KLF15: variants seen among roughly 807,000 people sequenced by gnomAD.
KLF15 encodes KLF transcription factor 15, also known as Krueppel-like factor 15.
Under a neutral mutation model 24.6 loss-of-function variants are expected in KLF15, and 4 were observed. The ratio of observed to expected loss-of-function variants is 0.16; its 90% CI spans 0.08 to 0.37. KLF15 has a LOEUF of 0.37. Among genes scored for constraint, KLF15 ranks in the 10% least tolerant of loss-of-function variants. KLF15 has a pLI of 1.00. For missense variants in KLF15, 496 were observed against 560.6 expected, an observed-to-expected ratio of 0.88 and a Z score of 1.16; for synonymous variants, 246 against 236.3, an observed-to-expected ratio of 1.04 and a Z score of -0.37.
At chr3:126,310,383 C>T in the KLF15 span, among the ~76,000 whole-genome samples, 418 of 152,298 alleles carry the variant, frequency 2.7e-3, 4 homozygotes, top group African/African-American at 9.7e-3. Context: ...CTCCTGCTAC[C>T]GAATGAATGT....
chr3:126,292,068 C>T, the KLF15 span, among the ~76,000 whole-genome samples: 6 of 152,178 alleles, frequency 3.9e-5, no homozygotes, highest in African/African-American at 1.2e-4. Flanking sequence ...TCATTCCAGT[C>T]CCCAAGGCAA....
chr3:126,338,862 A>G (rs371998007), downstream of KLF15, among the ~76,000 whole-genome samples: 29 of 152,250 alleles, frequency 1.9e-4, no homozygotes, highest in East Asian at 1.7e-3. Flanking sequence ...CCTGCTACAG[A>G]CACTGCTCTT....
the KLF15 span, among the ~76,000 whole-genome samples, chr3:126,328,196 C>T: frequency 1.3e-5 from 2 of 152,028 alleles, no homozygotes; most frequent in Non-Finnish European, 2.9e-5. Context: ...TTTTCCATTC[C>T]TGAGTTACTT....
At chr3:126,314,952 G>A in the KLF15 span, among the ~76,000 whole-genome samples, 2 of 152,198 alleles carry the variant, frequency 1.3e-5, no homozygotes, top group South Asian at 4.1e-4. Context: ...ACTAGGGGCC[G>A]CAGATGTCTC....
chr3:126,343,871 C>A lies in KLF15; in HGVS notation c.1107G>T (p.Ser369=). ...GWRFSRSDEL[S]RHRRSHSGVK... is the part of the protein sequence containing the mutation. ...CACCTGAGTGCGAGCGCCTGTGCCG[C>A]GACAGCTCGTCAGAGCGCGAGAACC... The change falls in exon 3 of 3, where the codon TCG becomes TCT. Residue 369 remains serine (S), a synonymous_variant. Transcript: ENST00000296233. 1.3e-6 allele frequency: 2 copies of A among 1,597,446 alleles called. No homozygotes were observed. The highest frequency in any genetic ancestry group is 1.7e-6 in the Non-Finnish European group (2 of 1,173,326).
intron 2 of KLF15, among the ~76,000 whole-genome samples, chr3:126,349,099 A>G (rs945569311): frequency 3.3e-5 from 5 of 152,072 alleles, no homozygotes; most frequent in African/African-American, 7.2e-5. Context: ...GCTCCCTCTC[A>G]GTTGAAGACT....
At chr3:126,290,506 A>ACCTTCCTTCCTCCCTTCCTT in the KLF15 span, among the ~76,000 whole-genome samples, 11 of 144,604 alleles carry the variant, frequency 7.6e-5, no homozygotes, top group African/African-American at 1.8e-4. Flanking sequence ...CTTCCTTCCT[A>ACCTTCCTTCCTCCCTTCCTT]CCTTCCTTCC....
chr3:126,300,786 G>T, the KLF15 span, among the ~76,000 whole-genome samples: 1 of 152,214 alleles, frequency 6.6e-6, no homozygotes, highest in Non-Finnish European at 1.5e-5. Flanking sequence ...GATTAGTGGG[G>T]CCAGTGGGTC....
At chr3:126,300,565 C>T in the KLF15 span, among the ~76,000 whole-genome samples, 1 of 152,226 alleles carries the variant, frequency 6.6e-6, no homozygotes, top group African/African-American at 2.4e-5. Context: ...TGCGGCTTTC[C>T]GGCTTCCCCT....
chr3:126,316,521 T>TGAGGAGGGAGTACATGGGCCGGAGTA, the KLF15 span, among the ~76,000 whole-genome samples: 1 of 25,484 alleles, frequency 3.9e-5, no homozygotes, highest in Non-Finnish European at 7.5e-5. Flanking sequence ...TGAGCTGCAG[T>TGAGGAGGGAGTACATGGGCCGGAGTA]GGGGAGGGAG....
At chr3:126,330,356 A>T in the KLF15 span, among the ~76,000 whole-genome samples, 1 of 152,230 alleles carries the variant, frequency 6.6e-6, no homozygotes, top group Non-Finnish European at 1.5e-5. Context: ...TGCTGACTGA[A>T]ACATTGACAT....
chr3:126,328,343 T>G, the KLF15 span, among the ~76,000 whole-genome samples: 1 of 152,182 alleles, frequency 6.6e-6, no homozygotes, highest in Non-Finnish European at 1.5e-5. Flanking sequence ...TGATGGGCTT[T>G]TGGGTTGGTT....
chr3:126,354,040 T>G (rs1469153623), intron 1 of KLF15: 1 of 152,376 alleles, frequency 6.6e-6, no homozygotes, highest in African/African-American at 2.4e-5. Flanking sequence ...CTAATGCCTG[T>G]CTCCCCCTGA....
downstream of KLF15, among the ~76,000 whole-genome samples, chr3:126,341,586 A>T (rs1387986018): frequency 6.6e-6 from 1 of 152,080 alleles, no homozygotes; most frequent in African/African-American, 2.4e-5. Context: ...CCTCCTCGGG[A>T]CCATGGCCAG....
chr3:126,319,272 G>A, the KLF15 span, among the ~76,000 whole-genome samples: 1 of 152,158 alleles, frequency 6.6e-6, no homozygotes, highest in Non-Finnish European at 1.5e-5. Flanking sequence ...GTTTTTGTGT[G>A]GACATAAGTT....
downstream of KLF15, among the ~76,000 whole-genome samples, chr3:126,339,533 C>T (rs1477248918): frequency 6.6e-6 from 1 of 152,126 alleles, no homozygotes; most frequent in African/African-American, 2.4e-5. Context: ...TTTGAACAAG[C>T]CCCATTTTCA....
the KLF15 span, among the ~76,000 whole-genome samples, chr3:126,321,386 GGGA>G: frequency 6.6e-6 from 1 of 152,346 alleles, no homozygotes; most frequent in African/African-American, 2.4e-5. Context: ...GCCTGCTGTG[GGGA>G]GGAGGTGGGG....
At chr3:126,323,473 T>TTATATA in the KLF15 span, among the ~76,000 whole-genome samples, 2 of 64,622 alleles carry the variant, frequency 3.1e-5, no homozygotes, top group East Asian at 4.0e-4. Context: ...CATATATATG[T>TTATATA]TATATATATA....
rs1480755006 is a variant in KLF15 at position 126,356,831 on chromosome 3, C to G, written c.-26+406G>C. Among the ~76,000 whole-genome samples the G allele has an allele frequency of 6.6e-6, 1 of 151,596 alleles. No individual in the cohort carries two copies. The highest frequency in any genetic ancestry group is 1.5e-5 in the Non-Finnish European group (1 of 67,802). On this transcript the variant is annotated intron_variant, in intron 1 of 2. Transcript: ENST00000296233. This position sits in a 1 kb window ranked among gnomAD's most constrained non-coding sequence, Gnocchi z 4.4. ...TTGCCCCCGACACTGCTGCGGTGAC[C>G]GACAGTAACCCCTCCGTCTCCAGCC... is the stretch of plus-strand genomic sequence containing the variant.
Sources: allele counts gnomAD v4.1 joint callset (sites outside exome capture counted in the v4.1 genomes callset), GRCh38; gene constraint gnomAD v4.1.1; non-coding constraint Gnocchi (gnomAD v3.1); transcripts MANE v1.5; gene names NCBI Gene and HGNC (gene_info 2026-07-23, HGNC 2026-07-21).